The following PPFIBP1 variants were observed in gnomAD, a reference collection of about 807,000 sequenced individuals.
PPFIBP1 encodes liprin-beta-1.
A neutral mutation model predicts 137.8 loss-of-function variants in PPFIBP1; 112 were observed. The observed-to-expected ratio is 0.81, with a 90% CI of 0.70 to 0.95. PPFIBP1 has a LOEUF of 0.95. Ranked by LOEUF, PPFIBP1 falls within the 40% of genes least tolerant of loss-of-function variation. The pLI is 0.00. For synonymous variants in PPFIBP1, 378 were observed against 417.3 expected, an observed-to-expected ratio of 0.91 and a Z score of 1.15; for missense variants, 1,083 against 1,196.6, an observed-to-expected ratio of 0.91 and a Z score of 1.40.
chr12:27,630,759 C>T (rs947882152), intron 2 of PPFIBP1, among the ~76,000 whole-genome samples: 3 of 152,116 alleles, frequency 2.0e-5, no homozygotes, highest in Admixed American at 2.0e-4. Flanking sequence ...TCATCCTCAC[C>T]TCCCTCTCAC....
At chr12:27,646,580 A>G (rs2058512279) in intron 5 of PPFIBP1, among the ~76,000 whole-genome samples, 1 of 152,042 alleles carries the variant, frequency 6.6e-6, no homozygotes, top group African/African-American at 2.4e-5. Flanking sequence ...TATATAGCAG[A>G]AATTCAGATA....
intron 12 of PPFIBP1, among the ~76,000 whole-genome samples, chr12:27,665,982 A>G (rs2059831838): frequency 6.6e-6 from 1 of 152,244 alleles, no homozygotes; most frequent in South Asian, 2.1e-4. Flanking sequence ...TAATTTTTAC[A>G]TATGCCTGGC....
At chr12:27,531,035 A>G (rs1176471550) in intron 1 of PPFIBP1, among the ~76,000 whole-genome samples, 1 of 152,194 alleles carries the variant, frequency 6.6e-6, no homozygotes, top group African/African-American at 2.4e-5. Context: ...CTTGCAGCCA[A>G]ATGTGATCTT....
chr12:27,627,207 GAT>G (rs1267501648), intron 2 of PPFIBP1, among the ~76,000 whole-genome samples: 1 of 152,162 alleles, frequency 6.6e-6, no homozygotes, highest in Non-Finnish European at 1.5e-5. Context: ...CTGTTTTTAA[GAT>G]AGTTTCTCTT....
intron 8 of PPFIBP1, 35 bp from the exon 9 acceptor site, chr12:27,656,581 G>A (rs1383205660): frequency 9.2e-6 from 12 of 1,299,454 alleles, no homozygotes; most frequent in Non-Finnish European, 1.2e-5. Context: ...TTTCAGTCAT[G>A]ATCTGCTATT....
rs527385608 is a variant in PPFIBP1 at position 27,681,690 on chromosome 12, A to G, written c.2040A>G (p.Leu680=). 31 of 1,614,070 alleles carry G rather than the reference A, an allele frequency of 1.9e-5. No homozygotes were observed. In the African/African-American group the frequency reaches 3.1e-4, roughly 16 times the overall value. The change falls in exon 22 of 30, where the codon CTA becomes CTG. Residue 680 remains leucine (L), a synonymous_variant. Coordinates refer to ENST00000228425, the MANE Select transcript of PPFIBP1 (RefSeq NM_003622.4). The part of the protein sequence containing the change: ...QTLLQASQQD[L]EKELGIKHSL... ...TTTTGCAGGCTTCTCAACAAGATCT[A>G]GAGAAGGTGACTGCTTCTCTGTTTT...
At chr12:27,687,276 T>G in intron 24 of PPFIBP1, 109 bp from the exon 25 acceptor site, 1 of 1,333,614 alleles carries the variant, frequency 7.5e-7, no homozygotes, top group East Asian at 2.5e-5. Context: ...TTGGGGCATA[T>G]TGGTTTGAGG....
chr12:27,617,952 T>C (rs2055943534), intron 2 of PPFIBP1, among the ~76,000 whole-genome samples: 1 of 152,242 alleles, frequency 6.6e-6, no homozygotes, highest in Admixed American at 6.5e-5. Flanking sequence ...TTCAAGTTCC[T>C]GTCAAGACAA....
intron 2 of PPFIBP1, among the ~76,000 whole-genome samples, chr12:27,578,582 T>C (rs1258880213): frequency 6.6e-6 from 1 of 151,614 alleles, no homozygotes; most frequent in African/African-American, 2.4e-5. Context: ...ACAGACCATT[T>C]CACTACCTTA....
At chr12:27,583,408 T>C (rs1171551695) in intron 2 of PPFIBP1, among the ~76,000 whole-genome samples, 1 of 152,252 alleles carries the variant, frequency 6.6e-6, no homozygotes, top group African/African-American at 2.4e-5. Context: ...GAAATGTGAA[T>C]TCTAAGGCAT....
At chr12:27,542,651 A>G (rs1240406183) in intron 1 of PPFIBP1, among the ~76,000 whole-genome samples, 1 of 152,214 alleles carries the variant, frequency 6.6e-6, no homozygotes, top group Non-Finnish European at 1.5e-5. Flanking sequence ...GGGAAATTCT[A>G]GTGAATATCA....
intron 21 of PPFIBP1, 63 bp downstream of exon 21, chr12:27,680,124 G>A: frequency 6.3e-7 from 1 of 1,589,338 alleles, no homozygotes; most frequent in Non-Finnish European, 8.6e-7. Context: ...CATGAGTCCT[G>A]CAGTATTAGT....
chr12:27,524,582 C>G lies in PPFIBP1; in HGVS notation c.-124+217C>G, dbSNP rs1425674404. 2.0e-5 allele frequency among the ~76,000 whole-genome samples: 3 copies of G among 152,028 alleles called. No individual in the cohort carries two copies. In the East Asian group the frequency reaches 5.8e-4, roughly 29 times the overall value. On this transcript the variant is annotated intron_variant, in intron 1 of 29. Transcript: ENST00000228425. Reference sequence around the variant, plus strand: ...GGACCGAGCTTGTACGTGAAGAATACTCCAGGATTGGACGTTTAGGTCTTG... The same window carrying G: ...GGACCGAGCTTGTACGTGAAGAATAGTCCAGGATTGGACGTTTAGGTCTTG...
chr12:27,553,586 T>G (rs778336246), intron 1 of PPFIBP1, among the ~76,000 whole-genome samples: 1 of 152,172 alleles, frequency 6.6e-6, no homozygotes, highest in Non-Finnish European at 1.5e-5. Context: ...ATGAATTAAA[T>G]AGGAAGCAAT....
At chr12:27,537,559 C>G (rs1945184302) in intron 1 of PPFIBP1, among the ~76,000 whole-genome samples, 1 of 152,134 alleles carries the variant, frequency 6.6e-6, no homozygotes, top group Admixed American at 6.5e-5. Context: ...GAGTTCTCAT[C>G]CTGTGTTCCC....
chr12:27,539,555 T>C (rs1945428323), intron 1 of PPFIBP1, among the ~76,000 whole-genome samples: 1 of 152,212 alleles, frequency 6.6e-6, no homozygotes, highest in African/African-American at 2.4e-5. Context: ...CAAGAAGCCC[T>C]ATGTTTTTCT....
intron 11 of PPFIBP1, 24 bp from the exon 12 acceptor site, chr12:27,664,338 G>A (rs753002859): frequency 4.7e-6 from 7 of 1,477,664 alleles, no homozygotes; most frequent in Non-Finnish European, 6.6e-6. Context: ...TAGGATTAAA[G>A]ATTACAATTT....
intron 9 of PPFIBP1, among the ~76,000 whole-genome samples, chr12:27,657,275 G>A (rs2059263101): frequency 6.6e-6 from 1 of 151,888 alleles, no homozygotes; most frequent in African/African-American, 2.4e-5. Flanking sequence ...TTTCATAACA[G>A]CAGAGGTTTG....
intron 1 of PPFIBP1, among the ~76,000 whole-genome samples, chr12:27,566,421 G>A (rs1367479954): frequency 6.6e-6 from 1 of 151,810 alleles, no homozygotes; most frequent in Non-Finnish European, 1.5e-5. Flanking sequence ...TAGCAAGGAT[G>A]GGTTTTCTTC....
Sources: allele counts gnomAD v4.1 joint callset (sites outside exome capture counted in the v4.1 genomes callset), GRCh38; gene constraint gnomAD v4.1.1; transcripts MANE v1.5; gene names NCBI Gene and HGNC (gene_info 2026-07-23, HGNC 2026-07-21).